The following MEOX2 variants were observed in gnomAD, a reference collection of about 807,000 sequenced individuals.
MEOX2 encodes homeobox protein MOX-2.
A neutral mutation model predicts 27.0 loss-of-function variants in MEOX2; 11 were observed. The ratio of observed to expected loss-of-function variants is 0.41; its 90% CI spans 0.26 to 0.68. The LOEUF is 0.68. Ranked by LOEUF, MEOX2 falls within the 30% of genes least tolerant of loss-of-function variation. The pLI is 0.33. For missense variants in MEOX2, 436 were observed against 385.4 expected, an observed-to-expected ratio of 1.13 and a Z score of -1.10; for synonymous variants, 189 against 155.4, an observed-to-expected ratio of 1.22 and a Z score of -1.61.
At chr7:15,653,036 T>C (rs545781299) in intron 1 of MEOX2, among the ~76,000 whole-genome samples, 1 of 152,072 alleles carries the variant, frequency 6.6e-6, no homozygotes, top group South Asian at 2.1e-4. Flanking sequence ...ATGTTTTGTT[T>C]TTTTAAGAAA....
chr7:15,622,808 G>A (rs901910141), intron 2 of MEOX2, among the ~76,000 whole-genome samples: 1 of 152,078 alleles, frequency 6.6e-6, no homozygotes, highest in African/African-American at 2.4e-5. Flanking sequence ...TCAAGGTGAC[G>A]GCATTAGGAG....
At chr7:15,646,647 A>G (rs892768234) in intron 1 of MEOX2, among the ~76,000 whole-genome samples, 3 of 152,076 alleles carry the variant, frequency 2.0e-5, no homozygotes, top group Non-Finnish European at 4.4e-5. Flanking sequence ...TTCAAGGAAC[A>G]TAAGAAGGTT....
intron 1 of MEOX2, among the ~76,000 whole-genome samples, chr7:15,637,678 A>C (rs75741923): frequency 0.011 from 1,613 of 152,140 alleles, 11 homozygotes; most frequent in Middle Eastern, 0.024. Context: ...TAGCTCTATA[A>C]CTTGTACAGT....
chr7:15,678,628 A>T (rs538464753), intron 1 of MEOX2, among the ~76,000 whole-genome samples: 21 of 152,352 alleles, frequency 1.4e-4, no homozygotes, highest in African/African-American at 5.1e-4. Context: ...TGCAGTCCAG[A>T]CAGTGGACAA....
At position 15,612,553 on chromosome 7, in the gene MEOX2, T is replaced by C. The variant is rs1434135679; in HGVS notation, c.749A>G (p.Gln250Arg). Residue 250 changes from glutamine to arginine, a missense_variant, in exon 3 of 3, where the codon CAA becomes CGA. Gln to Arg is a conservative substitution (Grantham distance 43). Coordinates refer to ENST00000262041, the MANE Select transcript of MEOX2 (RefSeq NM_005924.5). ...TTCCTTTTCCCGAGCCGCAGCTCCT[T>C]GCTGTCCACCCTTTACCCTCTTCCA... ...MKWKRVKGGQ[Q>R]GAAAREKELV... The C allele has an allele frequency of 6.2e-7, 1 of 1,614,084 alleles. No homozygotes were observed. The highest frequency in any genetic ancestry group is 1.3e-5 in the African/African-American group (1 of 74,934).
At chr7:15,622,696 A>C (rs10242014) in intron 2 of MEOX2, among the ~76,000 whole-genome samples, 1 of 151,930 alleles carries the variant, frequency 6.6e-6, no homozygotes, top group East Asian at 1.9e-4. Flanking sequence ...ATGGCTAAAC[A>C]TAGCATTTAT....
At chr7:15,656,124 T>C (rs990178314) in intron 1 of MEOX2, among the ~76,000 whole-genome samples, 1 of 151,874 alleles carries the variant, frequency 6.6e-6, no homozygotes, top group Admixed American at 6.6e-5. Context: ...GTAATTTTTT[T>C]CTCTAAAGTC....
chr7:15,638,346 T>A (rs1781514418), intron 1 of MEOX2, among the ~76,000 whole-genome samples: 1 of 152,184 alleles, frequency 6.6e-6, no homozygotes, highest in Non-Finnish European at 1.5e-5. Context: ...AATGGCATTA[T>A]CTTTTATTTA....
At chr7:15,644,303 T>G (rs1723989112) in intron 1 of MEOX2, among the ~76,000 whole-genome samples, 1 of 152,204 alleles carries the variant, frequency 6.6e-6, no homozygotes, top group African/African-American at 2.4e-5. Context: ...CTGTAGGGGT[T>G]GTGGAAATTC....
chr7:15,617,311 T>A (rs1583737031), intron 2 of MEOX2, among the ~76,000 whole-genome samples: 1 of 152,098 alleles, frequency 6.6e-6, no homozygotes, highest in Non-Finnish European at 1.5e-5. Context: ...TATTTATTTA[T>A]ATCTTTGAGA....
chr7:15,669,284 A>G (rs557223203), intron 1 of MEOX2, among the ~76,000 whole-genome samples: 1 of 152,370 alleles, frequency 6.6e-6, no homozygotes, highest in Admixed American at 6.5e-5. Flanking sequence ...CTTGTGAATA[A>G]TGAGAGTTGC....
At position 15,677,237 on chromosome 7, in the gene MEOX2, A is replaced by T. The variant is rs1477864935; in HGVS notation, c.517+8649T>A. On this transcript the variant is annotated intron_variant, in intron 1 of 2. Coordinates refer to ENST00000262041, the MANE Select transcript of MEOX2 (RefSeq NM_005924.5). ...GTGCATATGCATTACATAATTGTAC[A>T]TTCATTGATAGATGATAAAAATAAT... Among the ~76,000 whole-genome samples, 3 of 152,246 alleles carry T rather than the reference A, an allele frequency of 2.0e-5. No homozygotes were observed. In the East Asian group the frequency reaches 5.8e-4, roughly 29 times the overall value.
intron 1 of MEOX2, among the ~76,000 whole-genome samples, chr7:15,675,022 T>C (rs1271310867): frequency 6.6e-6 from 1 of 152,122 alleles, no homozygotes; most frequent in Non-Finnish European, 1.5e-5. Flanking sequence ...TATTATTTTA[T>C]CCAAACACAA....
intron 2 of MEOX2, among the ~76,000 whole-genome samples, chr7:15,621,803 G>C (rs1307135583): frequency 6.6e-6 from 1 of 152,058 alleles, no homozygotes; most frequent in African/African-American, 2.4e-5. Flanking sequence ...TTTCATTTAG[G>C]AGAAAATTAT....
chr7:15,659,793 C>A (rs1490877433), intron 1 of MEOX2, among the ~76,000 whole-genome samples: 2 of 148,826 alleles, frequency 1.3e-5, no homozygotes, highest in African/African-American at 5.0e-5. Context: ...CAAAGAGGAT[C>A]CAGCTTAATG....
Position 15,686,541 on chromosome 7 carries a change from C to T in MEOX2, c.-139G>A, listed in dbSNP as rs1310581974. ...AATAGCGGTGCACTTCTGCAGAGCT[C>T]GGATAATCCCGGTCCTGAGCCCCAG... On this transcript the variant is annotated 5_prime_UTR_variant, in exon 1 of 3. Transcript: ENST00000262041. 8 of 753,492 alleles carry T rather than the reference C, an allele frequency of 1.1e-5. No individual in the cohort carries two copies. The highest frequency in any genetic ancestry group is 1.5e-5 in the Non-Finnish European group (7 of 472,460). 46.7% of individuals were successfully genotyped at this position (753,492 alleles called of 1,614,324 possible).
At chr7:15,663,184 T>TA (rs1781944128) in intron 1 of MEOX2, among the ~76,000 whole-genome samples, 1 of 152,190 alleles carries the variant, frequency 6.6e-6, no homozygotes, top group South Asian at 2.1e-4. Flanking sequence ...CATTTTATTT[T>TA]AAAAATATCA....
intron 1 of MEOX2, among the ~76,000 whole-genome samples, chr7:15,664,037 CAA>C (rs1363353612): frequency 6.6e-6 from 1 of 151,998 alleles, no homozygotes; most frequent in Admixed American, 6.6e-5. Context: ...TAGTTCAGAT[CAA>C]GTTTTGTTTT....
intron 1 of MEOX2, chr7:15,678,924 T>C (rs1397785706): frequency 6.6e-6 from 1 of 152,160 alleles, no homozygotes; most frequent in Non-Finnish European, 1.5e-5. Context: ...CATTATGGGA[T>C]TCTCTTGAAG....
Sources: gnomAD v4.1 joint callset for allele counts (sites outside exome capture counted in the v4.1 genomes callset) on GRCh38, gnomAD v4.1.1 for gene constraint, MANE v1.5 for transcripts, NCBI Gene and HGNC (gene_info 2026-07-23, HGNC 2026-07-21) for gene names.